The following CHLSN variants were observed in gnomAD, a reference collection of about 807,000 sequenced individuals.
CHLSN encodes cholesin.
chr7:1,003,819 G>A, the CHLSN span, among the ~76,000 whole-genome samples: 1 of 110,286 alleles, frequency 9.1e-6, no homozygotes, highest in African/African-American at 3.8e-5. Context: ...TCCTGTGGGT[G>A]GGGAGTCCTG....
the CHLSN span, among the ~76,000 whole-genome samples, chr7:1,017,912 AC>A: frequency 6.6e-6 from 1 of 152,170 alleles, no homozygotes; most frequent in South Asian, 2.1e-4. Flanking sequence ...CGGTAGGAAC[AC>A]CCCATGTTTG....
At chr7:1,116,727 C>T in the CHLSN span, among the ~76,000 whole-genome samples, 2 of 56,896 alleles carry the variant, frequency 3.5e-5, 1 homozygote, top group Non-Finnish European at 6.0e-5. Context: ...CCGACGTCCA[C>T]GCAGGATGAT....
At chr7:1,123,779 G>T in the CHLSN span, among the ~76,000 whole-genome samples, 15 of 152,000 alleles carry the variant, frequency 9.9e-5, no homozygotes, top group East Asian at 2.9e-3. This position sits in a 1 kb window ranked among gnomAD's most constrained non-coding sequence, Gnocchi z 4.4. Context: ...GGCCACAGGG[G>T]CATGCAGTTT....
the CHLSN span, among the ~76,000 whole-genome samples, chr7:1,033,982 G>A: frequency 6.6e-6 from 1 of 152,236 alleles, no homozygotes; most frequent in African/African-American, 2.4e-5. Flanking sequence ...GGCAGGAAAA[G>A]GACCAGAAAG....
chr7:982,045 A>G, the CHLSN span, among the ~76,000 whole-genome samples: 8 of 152,146 alleles, frequency 5.3e-5, no homozygotes, highest in African/African-American at 1.9e-4. Flanking sequence ...AAAACAAAAC[A>G]CACAAAAATC....
chr7:1,061,963 C>G, the CHLSN span, among the ~76,000 whole-genome samples: 84 of 152,028 alleles, frequency 5.5e-4, no homozygotes, highest in Non-Finnish European at 1.0e-3. Flanking sequence ...TTCCAGGCAG[C>G]CATCTCTCCA....
At chr7:1,110,288 G>A in the CHLSN span, among the ~76,000 whole-genome samples, 2 of 152,230 alleles carry the variant, frequency 1.3e-5, no homozygotes, top group African/African-American at 4.8e-5. Context: ...TAAACAATCC[G>A]CTGTGAAAAT....
chr7:1,133,192 C>T, the CHLSN span, among the ~76,000 whole-genome samples: 1 of 152,050 alleles, frequency 6.6e-6, no homozygotes, highest in Non-Finnish European at 1.5e-5. Flanking sequence ...CCCAAGACTC[C>T]ACACTGCAAA....
chr7:1,130,412 T>G, the CHLSN span, among the ~76,000 whole-genome samples: 12 of 152,024 alleles, frequency 7.9e-5, no homozygotes, highest in Admixed American at 1.3e-4. Flanking sequence ...CAAGGCTGCT[T>G]CTAGGAGGGA....
At chr7:1,066,031 T>C in the CHLSN span, among the ~76,000 whole-genome samples, 1 of 152,150 alleles carries the variant, frequency 6.6e-6, no homozygotes, top group African/African-American at 2.4e-5. Flanking sequence ...GAGGGAGCCC[T>C]GCGCGGCCGG....
the CHLSN span, among the ~76,000 whole-genome samples, chr7:1,084,925 G>A: frequency 5.3e-5 from 8 of 152,268 alleles, no homozygotes; most frequent in Non-Finnish European, 1.2e-4. Flanking sequence ...GAGGACTGGG[G>A]ATGGGACAGG....
At chr7:997,794 T>A in the CHLSN span, 1 of 1,604,230 alleles carries the variant, frequency 6.2e-7, no homozygotes, top group East Asian at 2.3e-5. Flanking sequence ...GGAGAAGTGC[T>A]CATCGGGAAC....
the CHLSN span, among the ~76,000 whole-genome samples, chr7:1,047,660 A>G: frequency 6.6e-6 from 1 of 152,262 alleles, no homozygotes; most frequent in African/African-American, 2.4e-5. Context: ...CTCATGGTGC[A>G]TGGCAGGTTC....
the CHLSN span, among the ~76,000 whole-genome samples, chr7:1,121,774 G>A: frequency 5.9e-5 from 9 of 152,146 alleles, no homozygotes; most frequent in Non-Finnish European, 1.2e-4. Flanking sequence ...TGTGGCCCAC[G>A]AAGCCTTCTG....
At chr7:1,078,245 C>T in the CHLSN span, among the ~76,000 whole-genome samples, 1 of 151,984 alleles carries the variant, frequency 6.6e-6, no homozygotes. Flanking sequence ...AGACAGTTCG[C>T]GTGGCAGAGC....
the CHLSN span, among the ~76,000 whole-genome samples, chr7:1,107,532 C>T: frequency 1.3e-5 from 2 of 152,334 alleles, no homozygotes; most frequent in Admixed American, 1.3e-4. Flanking sequence ...GCCGTGGCTT[C>T]CAACACCATG....
the CHLSN span, among the ~76,000 whole-genome samples, chr7:1,121,991 T>A: frequency 7.2e-5 from 11 of 152,312 alleles, no homozygotes; most frequent in African/African-American, 2.4e-4. Flanking sequence ...TGAGCCCTCA[T>A]GGTCCTTACA....
chr7:1,057,599 G>C, the CHLSN span: 1 of 770,836 alleles, frequency 1.3e-6, no homozygotes, highest in Admixed American at 1.7e-5. Flanking sequence ...GGCTGTCACT[G>C]TTGTCGCTGC....
the CHLSN span, among the ~76,000 whole-genome samples, chr7:1,048,046 C>T: frequency 2.6e-5 from 4 of 151,888 alleles, no homozygotes; most frequent in African/African-American, 9.7e-5. Flanking sequence ...CCAGCAAAGA[C>T]TGGCGGAGGG....
Sources: gnomAD v4.1 joint callset for allele counts (sites outside exome capture counted in the v4.1 genomes callset) on GRCh38, gnomAD v4.1.1 for gene constraint, Gnocchi (gnomAD v3.1) non-coding constraint, MANE v1.5 for transcripts, NCBI Gene and HGNC (gene_info 2026-07-23, HGNC 2026-07-21) for gene names.